METTL15: variants seen among roughly 807,000 people sequenced by gnomAD.
The protein encoded by METTL15 is methyltransferase 15, mitochondrial 12S rRNA N4-cytidine.
In METTL15, 34 loss-of-function variants were observed where a neutral mutation model predicts 38.3. The observed-to-expected ratio is 0.89, with a 90% CI of 0.68 to 1.18. The LOEUF (loss-of-function observed/expected upper bound fraction) is 1.18. Ranked by LOEUF, METTL15 falls within the 50% of genes most tolerant of loss-of-function variation. The pLI is 0.00. For missense variants in METTL15, 438 were observed against 498.4 expected, an observed-to-expected ratio of 0.88 and a Z score of 1.15; for synonymous variants, 162 against 170.9, an observed-to-expected ratio of 0.95 and a Z score of 0.41.
At chr11:28,156,737 C>T (rs1056502390) in intron 3 of METTL15, among the ~76,000 whole-genome samples, 5 of 152,022 alleles carry the variant, frequency 3.3e-5, no homozygotes, top group Non-Finnish European at 7.4e-5. Context: ...AAATTTGTTT[C>T]ATTTCTGTGT....
At chr11:28,220,390 CT>C (rs1452931848) in intron 4 of METTL15, among the ~76,000 whole-genome samples, 2 of 151,990 alleles carry the variant, frequency 1.3e-5, no homozygotes, top group Non-Finnish European at 2.9e-5. Flanking sequence ...CAACTCCTGC[CT>C]TTTTTTGTTT....
intron 3 of METTL15, among the ~76,000 whole-genome samples, chr11:28,206,066 A>G (rs1852328748): frequency 7.0e-6 from 1 of 143,662 alleles, no homozygotes; most frequent in South Asian, 2.2e-4. Context: ...TTGCCTGTTC[A>G]CTCTGATGGT....
intron 3 of METTL15, among the ~76,000 whole-genome samples, chr11:28,133,493 T>C (rs1849406923): frequency 6.6e-6 from 1 of 152,224 alleles, no homozygotes; most frequent in Non-Finnish European, 1.5e-5. Context: ...ATAATCATGC[T>C]CAAATGTAGT....
rs770514450 is a variant in METTL15, at chr11:28,330,804, G to T, written c.1187G>T (p.Gly396Val). 17 of 1,550,898 alleles carry T rather than the reference G, an allele frequency of 1.1e-5. No individual in the cohort carries two copies. Among genetic ancestry groups the T allele is most frequent in the Non-Finnish European group, 1.4e-5 (16 of 1,146,680 alleles). Reference protein sequence around the residue: ...QDQDVQDNPRGRSAKLRAAIK... With the variant: ...QDQDVQDNPRVRSAKLRAAIK... ...CAGGATGTACAAGATAACCCCAGAG[G>T]GCGCTCAGCCAAGCTTAGAGCAGCT... The change falls in exon 7 of 7, where the codon GGG becomes GTG. Residue 396 changes from glycine (G) to valine (V), a missense_variant. Physicochemically the swap from Gly to Val is moderately radical, Grantham distance 109. Coordinates refer to ENST00000407364, the MANE Select transcript of METTL15 (RefSeq NM_001113528.2).
At chr11:28,124,634 G>A (rs749993794) in intron 3 of METTL15, among the ~76,000 whole-genome samples, 2 of 152,098 alleles carry the variant, frequency 1.3e-5, no homozygotes, top group Non-Finnish European at 2.9e-5. Flanking sequence ...GTAAGAGGAT[G>A]ACTTGAAGAA....
downstream of METTL15, among the ~76,000 whole-genome samples, chr11:28,528,742 G>A (rs1013279458): frequency 5.3e-5 from 8 of 152,124 alleles, no homozygotes; most frequent in Non-Finnish European, 7.4e-5. Context: ...TGTTTGTATC[G>A]CATAGATACT....
chr11:28,525,814 G>A (rs887885381), intron 6 of METTL15, among the ~76,000 whole-genome samples: 2 of 152,252 alleles, frequency 1.3e-5, no homozygotes, highest in African/African-American at 4.8e-5. Flanking sequence ...TCAGCCTTTG[G>A]GTGGTGGATG....
chr11:28,307,767 T>C (rs1857134400), intron 6 of METTL15, among the ~76,000 whole-genome samples: 1 of 152,018 alleles, frequency 6.6e-6, no homozygotes, highest in South Asian at 2.1e-4. Context: ...TGGGCACTGA[T>C]GAAGATGAAG....
intron 4 of METTL15, among the ~76,000 whole-genome samples, chr11:28,284,284 A>G (rs1299423663): frequency 6.6e-6 from 1 of 152,204 alleles, no homozygotes; most frequent in Non-Finnish European, 1.5e-5. Context: ...TTATTTACTC[A>G]TAGTGAGTTA....
intron 5 of METTL15, chr11:28,410,810 T>C (rs1231796147): frequency 6.6e-6 from 1 of 151,970 alleles, no homozygotes; most frequent in South Asian, 2.1e-4. Context: ...GGTATGCAAA[T>C]TGGAAAAGCA....
chr11:28,474,607 T>C (rs1407630537), intron 6 of METTL15, among the ~76,000 whole-genome samples: 3 of 152,172 alleles, frequency 2.0e-5, no homozygotes, highest in Non-Finnish European at 2.9e-5. Flanking sequence ...CTGAAAAGAC[T>C]CCTGGTCTAA....
At chr11:28,194,765 GAA>G (rs1210851565) in intron 3 of METTL15, among the ~76,000 whole-genome samples, 1 of 151,816 alleles carries the variant, frequency 6.6e-6, no homozygotes, top group Non-Finnish European at 1.5e-5. Context: ...GTATAGTGGT[GAA>G]GTCTCAGAGT....
chr11:28,410,163 C>A (rs1346057978), intron 5 of METTL15, among the ~76,000 whole-genome samples: 4 of 152,088 alleles, frequency 2.6e-5, no homozygotes, highest in Admixed American at 2.0e-4. Context: ...CAGATGGATT[C>A]ACTACTGATT....
intron 6 of METTL15, among the ~76,000 whole-genome samples, chr11:28,498,770 G>A (rs1019140115): frequency 1.3e-5 from 2 of 152,086 alleles, no homozygotes; most frequent in Admixed American, 6.6e-5. Context: ...TTCATGATAC[G>A]GTAAGGTCCC....
intron 4 of METTL15, among the ~76,000 whole-genome samples, chr11:28,288,357 T>C (rs968743605): frequency 1.3e-5 from 2 of 152,148 alleles, no homozygotes; most frequent in African/African-American, 2.4e-5. Flanking sequence ...TAAAGACACA[T>C]GTGCACATAT....
At chr11:28,422,560 A>T (rs1564926948) in intron 5 of METTL15, among the ~76,000 whole-genome samples, 1 of 152,016 alleles carries the variant, frequency 6.6e-6, no homozygotes, top group African/African-American at 2.4e-5. Context: ...CAGTGAACTG[A>T]TTTTCCACAA....
At chr11:28,435,314 C>T (rs7130471) in intron 6 of METTL15, among the ~76,000 whole-genome samples, 64,447 of 151,946 alleles carry the variant, frequency 0.42, 15,040 homozygotes, top group Admixed American at 0.54. Flanking sequence ...AATGGCAAAA[C>T]GAGGACAGAA....
chr11:28,325,261 C>T (rs554785594), intron 6 of METTL15, among the ~76,000 whole-genome samples: 1 of 152,300 alleles, frequency 6.6e-6, no homozygotes, highest in Non-Finnish European at 1.5e-5. Context: ...TTGCTCTGAA[C>T]TCACTGAGTC....
Position 28,424,052 on chromosome 11 carries a change from C to G in METTL15, c.*359-247C>G, listed in dbSNP as rs536631238. Among the ~76,000 whole-genome samples, 4 of 152,110 alleles carry G rather than the reference C, an allele frequency of 2.6e-5. No homozygotes were observed. The South Asian group carries it at 8.3e-4, about 32-fold the overall frequency. ...AACAAAAAACTTCCATAAAACCTAG[C>G]CATATGCTTTGCATTTTTAGAGCCC... is the stretch of plus-strand genomic sequence containing the variant. On this transcript the variant is annotated intron_variant and NMD_transcript_variant, in intron 5 of 7. Coordinates refer to the METTL15 transcript ENST00000532947.
Sources: gnomAD v4.1 joint callset for allele counts (sites outside exome capture counted in the v4.1 genomes callset) on GRCh38, gnomAD v4.1.1 for gene constraint, MANE v1.5 for transcripts, NCBI Gene and HGNC (gene_info 2026-07-23, HGNC 2026-07-21) for gene names.